DCHS2: variants seen among roughly 807,000 people sequenced by gnomAD.
The protein encoded by DCHS2 is dachsous cadherin-related 2.
In DCHS2, 142 loss-of-function variants were observed where a neutral mutation model predicts 182.4. That is an observed-to-expected ratio of 0.78 (90% confidence interval 0.68 to 0.89). DCHS2 has a LOEUF of 0.89. Ranked by LOEUF, DCHS2 falls within the 40% of genes least tolerant of loss-of-function variation. The pLI is 0.00. For synonymous variants in DCHS2, 1,740 were observed against 1,663.3 expected (o/e 1.05, Z -1.12); for missense variants, 4,319 against 4,198.6 (o/e 1.03, Z -0.79).
At chr4:154,300,071 A>G (rs1195311749) in intron 12 of DCHS2, among the ~76,000 whole-genome samples, 1 of 152,168 alleles carries the variant, frequency 6.6e-6, no homozygotes, top group African/African-American at 2.4e-5. Context: ...AGAGTGTTCT[A>G]TGCAGAGGAA....
At position 154,481,312 on chromosome 4, in the gene DCHS2, G is replaced by A. The variant is rs536709119; in HGVS notation, c.2052+7992C>T. ...GGTCTTGCTCTGTCACCCAGGCTGG[G>A]GTGCAGTGGCGCAATCATGGTTCAC... is the stretch of plus-strand genomic sequence containing the variant. On this transcript the variant is annotated intron_variant, in intron 1 of 19. Transcript: ENST00000357232. 1.5e-3 allele frequency among the ~76,000 whole-genome samples: 228 copies of A among 151,858 alleles called. 1 individual carries two copies. The highest frequency in any genetic ancestry group is 3.4e-3 in the Middle Eastern group (1 of 294).
chr4:154,303,218 G>C (rs1735289000), intron 12 of DCHS2, among the ~76,000 whole-genome samples: 1 of 152,070 alleles, frequency 6.6e-6, no homozygotes, highest in Non-Finnish European at 1.5e-5. Flanking sequence ...CTGACCTCAG[G>C]TGATCCGCCC....
chr4:154,358,524 T>A (rs1451438080), intron 3 of DCHS2, among the ~76,000 whole-genome samples: 2 of 152,100 alleles, frequency 1.3e-5, no homozygotes, highest in Non-Finnish European at 2.9e-5. Context: ...AATGTGCTGA[T>A]CCAAAAGGTG....
intron 1 of DCHS2, among the ~76,000 whole-genome samples, chr4:154,414,813 C>T (rs532846836): frequency 3.3e-5 from 5 of 152,100 alleles, no homozygotes; most frequent in Non-Finnish European, 7.3e-5. Flanking sequence ...TCACCTCTTT[C>T]CTAAATGGGA....
In DCHS2 at chr4:154,437,291, C is replaced by T. The variant is rs1189419104; in HGVS notation, c.2052+52013G>A. Among the ~76,000 whole-genome samples, 3 of 152,154 alleles carry T rather than the reference C, an allele frequency of 2.0e-5. No individual in the cohort carries two copies. In the East Asian group the frequency reaches 5.8e-4, roughly 29 times the overall value. On this transcript the variant is annotated intron_variant, in intron 1 of 19. Transcript: ENST00000357232. ...CACAATAAAATGAGAACCACTGCTT[C>T]CATCAATAAACGTCCAAAACTTGGC...
At chr4:154,455,528 A>G (rs1360109585) in intron 1 of DCHS2, among the ~76,000 whole-genome samples, 1 of 152,206 alleles carries the variant, frequency 6.6e-6, no homozygotes, top group Admixed American at 6.5e-5. Context: ...AAACAATTCT[A>G]TGTTGTAGGT....
intron 7 of DCHS2, among the ~76,000 whole-genome samples, chr4:154,327,768 C>A (rs1561044764): frequency 6.6e-6 from 1 of 152,110 alleles, no homozygotes. Flanking sequence ...AATACCAATT[C>A]TTATCCCCTA....
chr4:154,341,595 CACATACATTCATATATATAT>C (rs1239218903), intron 3 of DCHS2, among the ~76,000 whole-genome samples: 1 of 74,596 alleles, frequency 1.3e-5, no homozygotes, highest in Non-Finnish European at 4.5e-5. Flanking sequence ...CATATATATA[CACATACATTCATATATATAT>C]ACACACACAT....
intron 2 of DCHS2, among the ~76,000 whole-genome samples, chr4:154,376,406 AG>A (rs1376540838): frequency 1.3e-5 from 2 of 152,212 alleles, no homozygotes; most frequent in African/African-American, 2.4e-5. Flanking sequence ...ATTAGGAAAA[AG>A]ACATTATTGT....
intron 1 of DCHS2, among the ~76,000 whole-genome samples, chr4:154,452,810 C>A (rs1163077325): frequency 2.3e-4 from 35 of 152,128 alleles, no homozygotes; most frequent in Non-Finnish European, 5.9e-5. Context: ...GTATTTGTTA[C>A]TTATTACAAA....
intron 1 of DCHS2, among the ~76,000 whole-genome samples, chr4:154,483,431 G>T (rs534438643): frequency 7.2e-5 from 11 of 152,182 alleles, no homozygotes; most frequent in Non-Finnish European, 1.5e-4. Context: ...GTAGGATAGG[G>T]TTCCTGGAGA....
intron 1 of DCHS2, among the ~76,000 whole-genome samples, chr4:154,408,101 A>C (rs1732474392): frequency 6.6e-6 from 1 of 152,210 alleles, no homozygotes; most frequent in Non-Finnish European, 1.5e-5. Flanking sequence ...TTAGAAAACA[A>C]GTTTAAGAAT....
At chr4:154,348,661 C>G (rs1179078586) in intron 3 of DCHS2, among the ~76,000 whole-genome samples, 1 of 151,874 alleles carries the variant, frequency 6.6e-6, no homozygotes, top group African/African-American at 2.4e-5. Context: ...AAAATGGAAA[C>G]AGAGATGAGA....
chr4:154,400,139 T>G (rs1275908858), intron 1 of DCHS2, among the ~76,000 whole-genome samples: 1 of 151,540 alleles, frequency 6.6e-6, no homozygotes, highest in Non-Finnish European at 1.5e-5. Flanking sequence ...CCGTCTCTAC[T>G]AAAAATACAA....
At chr4:154,253,192 A>AGTGTGTGTGT (rs945445954) in intron 16 of DCHS2, among the ~76,000 whole-genome samples, 1 of 142,540 alleles carries the variant, frequency 7.0e-6, no homozygotes, top group African/African-American at 2.6e-5. Context: ...AGAGAGAGAG[A>AGTGTGTGTGT]GTGTGTGTGT....
intron 2 of DCHS2, among the ~76,000 whole-genome samples, chr4:154,375,473 C>T (rs1730846970): frequency 6.6e-6 from 1 of 151,834 alleles, no homozygotes; most frequent in Admixed American, 6.6e-5. Context: ...TCATGCACAT[C>T]AGTAAGAAAA....
chr4:154,275,599 C>G (rs775659175), intron 13 of DCHS2, among the ~76,000 whole-genome samples: 1 of 151,866 alleles, frequency 6.6e-6, no homozygotes, highest in Non-Finnish European at 1.5e-5. Context: ...TGTTTTATCC[C>G]CACTGCTCAA....
Position 154,489,876 on chromosome 4 carries a change from C to A in DCHS2, c.1480G>T (p.Glu494Ter), listed in dbSNP as rs1292447068. The A allele has an allele frequency of 6.5e-7, 1 of 1,543,414 alleles. No individual in the cohort carries two copies. Among genetic ancestry groups the A allele is most frequent in the Admixed American group, 2.0e-5 (1 of 50,312 alleles). ...GPPGVFFLCV[E>*]GPLDRESRDL... is the part of the protein sequence containing the mutation. The stretch of plus-strand genomic sequence containing the variant: ...CGGCTCTCTCTGTCCAGGGGCCCCT[C>A]CACGCAAAGGAAAAATACCCCTGGG... The change falls in exon 1 of 20, where the codon GAG (glutamate) becomes TAG (stop). Residue 494 changes from glutamate (E) to a stop codon, truncating the protein, a stop_gained. Coordinates refer to ENST00000357232, the MANE Select transcript of DCHS2 (RefSeq NM_001358235.2). LOFTEE classifies it high-confidence loss of function.
chr4:154,317,541 C>T (rs1294701443), intron 9 of DCHS2, among the ~76,000 whole-genome samples: 1 of 152,208 alleles, frequency 6.6e-6, no homozygotes, highest in Admixed American at 6.5e-5. Flanking sequence ...ACATTTAACT[C>T]CATTCCAAAT....
Sources: allele counts gnomAD v4.1 joint callset (sites outside exome capture counted in the v4.1 genomes callset), GRCh38; gene constraint gnomAD v4.1.1; transcripts MANE v1.5; gene names NCBI Gene and HGNC (gene_info 2026-07-23, HGNC 2026-07-21).